Variants in ERC1 observed in about 807,000 individuals in gnomAD.
The protein encoded by ERC1 is ELKS/RAB6-interacting/CAST family member 1, also known as RAB6 interacting protein 2.
Under a neutral mutation model 132.0 loss-of-function variants are expected in ERC1, and 56 were observed. The observed-to-expected ratio is 0.42, with a 90% CI of 0.34 to 0.53. The LOEUF (loss-of-function observed/expected upper bound fraction) is 0.53, where lower values mean the gene tolerates loss of function less well. ERC1 is among the 20% of genes least tolerant of loss of function. The pLI is 0.03. For synonymous variants in ERC1, 478 were observed against 476.1 expected (o/e 1.00, Z -0.05); for missense variants, 1,202 against 1,349.9 (o/e 0.89, Z 1.72).
chr12:1,489,839 G>C (rs557903065), intron 18 of ERC1, among the ~76,000 whole-genome samples: 1 of 152,302 alleles, frequency 6.6e-6, no homozygotes, highest in East Asian at 1.9e-4. Context: ...TCTGTTTACA[G>C]TGAGAGGCCA....
intron 15 of ERC1, among the ~76,000 whole-genome samples, chr12:1,291,188 C>T (rs1161775566): frequency 6.6e-6 from 1 of 152,110 alleles, no homozygotes; most frequent in African/African-American, 2.4e-5. Context: ...TGTGCTTTCA[C>T]GTTCTTGGGC....
chr12:1,346,027 C>G (rs1566642498), intron 15 of ERC1, among the ~76,000 whole-genome samples: 1 of 152,092 alleles, frequency 6.6e-6, no homozygotes, highest in East Asian at 1.9e-4. Context: ...TGATGTTGCC[C>G]CTCTGAGTTA....
chr12:1,246,988 GT>G (rs1246338240), intron 13 of ERC1, among the ~76,000 whole-genome samples: 3 of 152,208 alleles, frequency 2.0e-5, no homozygotes, highest in Non-Finnish European at 2.9e-5. Context: ...AATTAGCTGG[GT>G]ATAGTGGTGC....
chr12:1,335,839 T>C (rs2083268780), intron 15 of ERC1, among the ~76,000 whole-genome samples: 1 of 152,210 alleles, frequency 6.6e-6, no homozygotes, highest in African/African-American at 2.4e-5. Context: ...AATTTAGCTG[T>C]GACTCTATCT....
At chr12:1,030,234 C>CT (rs1967759550) in intron 2 of ERC1, among the ~76,000 whole-genome samples, 1 of 152,074 alleles carries the variant, frequency 6.6e-6, no homozygotes, top group African/African-American at 2.4e-5. Flanking sequence ...TGGTATTACA[C>CT]TTTATTTTTG....
rs558109750 is a variant in ERC1, at chr12:1,412,267, A to G, written c.3024+4020A>G. Among the ~76,000 whole-genome samples, 3 of 152,362 alleles carry G rather than the reference A, an allele frequency of 2.0e-5. No homozygotes were observed. The East Asian group carries it at 5.8e-4, about 29-fold the overall frequency. ...TTTCTTTAGAAATTCAAACTTTTGA[A>G]ATTGACGATTTACCTTATCAAACTT... On this transcript the variant is annotated intron_variant, in intron 17 of 18. Coordinates refer to ENST00000360905, the MANE Select transcript of ERC1 (RefSeq NM_178040.4).
intron 2 of ERC1, among the ~76,000 whole-genome samples, chr12:1,045,087 G>T (rs2017680953): frequency 6.6e-6 from 1 of 152,074 alleles, no homozygotes; most frequent in African/African-American, 2.4e-5. Flanking sequence ...CAAGGCAGTG[G>T]AGATTTCTCT....
At chr12:1,120,774 A>G (rs765445886) in intron 7 of ERC1, among the ~76,000 whole-genome samples, 3 of 152,200 alleles carry the variant, frequency 2.0e-5, no homozygotes, top group Non-Finnish European at 4.4e-5. Flanking sequence ...AATATAATCT[A>G]TATCTTAGTA....
At chr12:1,128,702 A>G (rs1948449608) in intron 7 of ERC1, among the ~76,000 whole-genome samples, 4 of 152,212 alleles carry the variant, frequency 2.6e-5, no homozygotes. Context: ...CTCAGTAAAT[A>G]TTAGCTATTA....
At chr12:1,264,673 A>T (rs1246589754) in intron 14 of ERC1, among the ~76,000 whole-genome samples, 1 of 152,172 alleles carries the variant, frequency 6.6e-6, no homozygotes, top group African/African-American at 2.4e-5. Flanking sequence ...CAAACAAAAA[A>T]AAAAAGATTT....
intron 16 of ERC1, among the ~76,000 whole-genome samples, chr12:1,393,765 T>C (rs546376648): frequency 1.7e-4 from 26 of 151,520 alleles, no homozygotes; most frequent in African/African-American, 5.3e-4. Context: ...TGGTGGCTCA[T>C]GCCTGTAATC....
chr12:1,141,824 C>T, intron 8 of ERC1, 37 bp downstream of exon 8: 1 of 1,462,828 alleles, frequency 6.8e-7, no homozygotes, highest in Non-Finnish European at 9.2e-7. Flanking sequence ...TGGCCCATTC[C>T]TCATACATCT....
intron 13 of ERC1, among the ~76,000 whole-genome samples, chr12:1,260,415 G>A (rs188358150): frequency 7.2e-5 from 11 of 152,292 alleles, no homozygotes; most frequent in East Asian, 5.8e-4. Context: ...TATCATCTAA[G>A]CACCAAATGA....
chr12:1,132,069 G>A (rs1001419021), intron 7 of ERC1, among the ~76,000 whole-genome samples: 10 of 152,158 alleles, frequency 6.6e-5, no homozygotes, highest in African/African-American at 2.4e-4. Flanking sequence ...GTAAAATATG[G>A]ACCTCACGCA....
At chr12:1,307,887 T>A (rs1240010565) in intron 15 of ERC1, among the ~76,000 whole-genome samples, 3 of 152,168 alleles carry the variant, frequency 2.0e-5, no homozygotes, top group African/African-American at 7.2e-5. Context: ...AAGTACCAAA[T>A]GAAAATATTA....
At chr12:1,275,497 G>T (rs1362778676) in intron 14 of ERC1, among the ~76,000 whole-genome samples, 1 of 152,138 alleles carries the variant, frequency 6.6e-6, no homozygotes, top group East Asian at 1.9e-4. Context: ...AAATAGGAGA[G>T]TAAGGGTAGA....
At chr12:1,335,055 G>GTGAT (rs1328633539) in intron 15 of ERC1, among the ~76,000 whole-genome samples, 3 of 152,128 alleles carry the variant, frequency 2.0e-5, no homozygotes. Context: ...AGGAATGCTA[G>GTGAT]TGATATCTGT....
Position 1,296,401 on chromosome 12 carries a change from C to CTTTTTTTTTTTTTTTTTT in ERC1, c.2780+6401_2780+6418dup, listed in dbSNP as rs57458560. On this transcript the variant is annotated intron_variant, in intron 15 of 18. Transcript: ENST00000360905. Reference sequence around the variant, plus strand: ...AGAAATGAAACATTTATTGGATAGTCTTTTTTTTTTTTTTTTTTTTTTTTT... The same window carrying CTTTTTTTTTTTTTTTTTT: ...AGAAATGAAACATTTATTGGATAGTCTTTTTTTTTTTTTTTTTTTTTTTTTTTTTTTTTTTTTTTTTTT... Among the ~76,000 whole-genome samples, 4 of 76,206 alleles carry CTTTTTTTTTTTTTTTTTT rather than the reference C, an allele frequency of 5.2e-5. 1 individual carries two copies. Among genetic ancestry groups the CTTTTTTTTTTTTTTTTTT allele is most frequent in the South Asian group, 1.1e-3 (2 of 1,820 alleles). 50.0% of individuals were successfully genotyped at this position (76,206 alleles called of 152,430 possible).
intron 14 of ERC1, among the ~76,000 whole-genome samples, chr12:1,272,945 CT>C (rs1195960287): frequency 2.9e-5 from 2 of 69,626 alleles, no homozygotes; most frequent in Non-Finnish European, 5.2e-5. Context: ...GAGACTCCGT[CT>C]AAAAAAAAAA....
Sources: allele counts gnomAD v4.1 joint callset (sites outside exome capture counted in the v4.1 genomes callset), GRCh38; gene constraint gnomAD v4.1.1; transcripts MANE v1.5; gene names NCBI Gene and HGNC (gene_info 2026-07-23, HGNC 2026-07-21).